The following OPA3 variants were observed in gnomAD, a reference collection of about 807,000 sequenced individuals.
The protein encoded by OPA3 is outer mitochondrial membrane lipid metabolism regulator OPA3, also known as optic atrophy 3 protein.
In OPA3, 6 loss-of-function variants were observed where a neutral mutation model predicts 4.0. That is an observed-to-expected ratio of 1.51 (90% CI 0.83 to 2.99). The LOEUF (loss-of-function observed/expected upper bound fraction) is 2.99, where lower values mean the gene tolerates loss of function less well. Among genes scored for constraint, OPA3 ranks in the 30% most tolerant of loss-of-function variants. OPA3 has a pLI of 0.00. For missense variants in OPA3, 235 were observed against 256.2 expected (o/e 0.92, Z 0.56); for synonymous variants, 105 against 117.1 (o/e 0.90, Z 0.67).
chr19:45,528,930 C>T (rs1969025463), exon 2 of OPA3: 2 of 1,171,602 alleles, frequency 1.7e-6, no homozygotes, highest in African/African-American at 3.1e-5. Flanking sequence ...ATCTCTCCGG[C>T]GCCCCCGAAG....
chr19:45,573,956 A>G (rs1272227179), intron 1 of OPA3, among the ~76,000 whole-genome samples: 1 of 152,120 alleles, frequency 6.6e-6, no homozygotes, highest in Admixed American at 6.6e-5. Flanking sequence ...TGAGGTCAGG[A>G]GTTGGAGACC....
At position 45,548,654 on chromosome 19, in the gene OPA3, T is replaced by TTTG. The variant is rs1440934084; in HGVS notation, c.*4859_*4860insCAA. On this transcript the variant is annotated 3_prime_UTR_variant, in exon 2 of 2. Transcript: ENST00000263275. ...TAACTCAGTGAGTTTTGTGTTTTAT[T>TTTG]TTTTTTATTTTTTTTTTTTTTGCGG... 47 of 676,290 alleles carry TTTG rather than the reference T, an allele frequency of 6.9e-5. No individual in the cohort carries two copies. The African/African-American group carries it at 1.6e-3, about 24-fold the overall frequency. 41.9% of individuals were successfully genotyped at this position (676,290 alleles called of 1,614,324 possible). A position where few individuals can be genotyped will look rare whatever the true frequency, so the allele number is the denominator to read the frequency against.
chr19:45,566,349 C>T (rs1432134115), intron 1 of OPA3, among the ~76,000 whole-genome samples: 1 of 151,984 alleles, frequency 6.6e-6, no homozygotes, highest in Non-Finnish European at 1.5e-5. Context: ...AGGGCTCTGC[C>T]ATGTTGGCCA....
chr19:45,539,112 C>G (rs1366604022), intron 1 of OPA3, among the ~76,000 whole-genome samples: 1 of 152,114 alleles, frequency 6.6e-6, no homozygotes. Context: ...ATCAGGAGAA[C>G]AGCATAAGGG....
chr19:45,568,665 T>C (rs1020331550), intron 1 of OPA3, among the ~76,000 whole-genome samples: 1 of 152,100 alleles, frequency 6.6e-6, no homozygotes, highest in African/African-American at 2.4e-5. Flanking sequence ...ACTGGTTCCA[T>C]CTGCCCAGCA....
At chr19:45,576,545 C>CG (rs1324308725) in intron 1 of OPA3, among the ~76,000 whole-genome samples, 5 of 145,642 alleles carry the variant, frequency 3.4e-5, no homozygotes, top group South Asian at 2.2e-4. Context: ...TCCCCCCCCC[C>CG]CCAAAAAAAA....
At chr19:45,580,310 T>G (rs77649881) in intron 1 of OPA3, among the ~76,000 whole-genome samples, 4 of 138,820 alleles carry the variant, frequency 2.9e-5, no homozygotes, top group African/African-American at 8.7e-5. Context: ...TTTTTTTTTT[T>G]GAGACAGAGT....
chr19:45,549,541 C>T lies in OPA3; in HGVS notation c.*3973G>A, dbSNP rs968971001. On this transcript the variant is annotated 3_prime_UTR_variant, in exon 2 of 2. Transcript: ENST00000263275. ...TGTCACCCAGGCTGGAGTGCAGTGG[C>T]GCGATCTCAGCTCACTGCAACCTCC... The T allele has an allele frequency of 7.3e-6, 7 of 954,378 alleles. No individual in the cohort carries two copies. The East Asian group carries it at 4.6e-4, about 63-fold the overall frequency. The allele number at this position is 954,378 out of a possible 1,614,324, so 59.1% of individuals were successfully genotyped here. A position where few individuals can be genotyped will look rare whatever the true frequency, so the allele number is the denominator to read the frequency against.
intron 1 of OPA3, among the ~76,000 whole-genome samples, chr19:45,559,835 G>C (rs1969478566): frequency 6.6e-6 from 1 of 151,838 alleles, no homozygotes; most frequent in African/African-American, 2.4e-5. Context: ...AAAGCTCCCT[G>C]GGCTTAACAC....
intron 1 of OPA3, among the ~76,000 whole-genome samples, chr19:45,570,986 G>A (rs1242122037): frequency 3.1e-5 from 4 of 129,308 alleles, no homozygotes; most frequent in Admixed American, 2.3e-4. Context: ...TTTGGGGGGG[G>A]GGGGCATGAA....
In OPA3 at chr19:45,553,392, T is replaced by C; in HGVS notation, c.*122A>G. On this transcript the variant is annotated 3_prime_UTR_variant, in exon 2 of 2. Transcript: ENST00000263275. ...GCTCTTATCAGCAGGGGTAACCAAA[T>C]GCCAAGTTGCATCAAGATCCTGGTG... 6.3e-7 allele frequency: 1 copy of C among 1,588,336 alleles called. No homozygotes were observed.
At chr19:45,579,998 T>C (rs1969823464) in intron 1 of OPA3, among the ~76,000 whole-genome samples, 1 of 101,082 alleles carries the variant, frequency 9.9e-6, no homozygotes, top group African/African-American at 1.1e-4. Flanking sequence ...TCTTTTTTTT[T>C]TTCTTTTTTT....
rs1226813634 is a variant in OPA3 at position 45,548,994 on chromosome 19, G to A, written c.*4520C>T. ...TAATTTTTGTATTTTTAGTAGAGAC[G>A]AGGTTTCACCATGTTGATCAGGTTG... On this transcript the variant is annotated 3_prime_UTR_variant, in exon 2 of 2. Coordinates refer to ENST00000263275, the MANE Select transcript of OPA3 (RefSeq NM_025136.4). 6.3e-5 allele frequency: 26 copies of A among 410,778 alleles called. No homozygotes were observed. The highest frequency in any genetic ancestry group is 1.6e-4 in the East Asian group (1 of 6,186). 25.4% of individuals were successfully genotyped at this position (410,778 alleles called of 1,614,324 possible). A position where few individuals can be genotyped will look rare whatever the true frequency, so the allele number is the denominator to read the frequency against.
At chr19:45,578,343 T>C (rs1969797777) in intron 1 of OPA3, among the ~76,000 whole-genome samples, 1 of 152,164 alleles carries the variant, frequency 6.6e-6, no homozygotes, top group Non-Finnish European at 1.5e-5. Context: ...ACTCTGCACT[T>C]GATGGATCAG....
At chr19:45,572,533 TATC>T (rs1345773944) in intron 1 of OPA3, among the ~76,000 whole-genome samples, 20 of 120,832 alleles carry the variant, frequency 1.7e-4, no homozygotes, top group African/African-American at 3.1e-4. Context: ...GAGATATATA[TATC>T]ATATGATATA....
rs370775683 is a variant in OPA3, at chr19:45,535,762, C to CTTTT, written c.143-6310_143-6307dup. 8.1e-5 allele frequency among the ~76,000 whole-genome samples: 10 copies of CTTTT among 122,942 alleles called. 1 individual carries two copies. Among genetic ancestry groups the CTTTT allele is most frequent in the African/African-American group, 1.9e-4 (6 of 31,792 alleles). 80.7% of individuals were successfully genotyped at this position (122,942 alleles called of 152,430 possible). A position where few individuals can be genotyped will look rare whatever the true frequency, so the allele number is the denominator to read the frequency against. On this transcript the variant is annotated intron_variant, in intron 1 of 1. Coordinates refer to the OPA3 transcript ENST00000323060. The stretch of plus-strand genomic sequence containing the variant: ...AACATAATAACTGTTTTTTTCTTTT[C>CTTTT]TTTTTTTTTTTTTTTTTTAAGAGTT...
intron 1 of OPA3, 41 bp downstream of exon 1, chr19:45,584,582 G>A: frequency 6.2e-7 from 1 of 1,614,044 alleles, no homozygotes; most frequent in African/African-American, 1.3e-5. Context: ...ACAGGGGTTG[G>A]AGAAAGGAAA....
chr19:45,566,192 C>T (rs1352537715), intron 1 of OPA3, among the ~76,000 whole-genome samples: 1 of 152,062 alleles, frequency 6.6e-6, no homozygotes, highest in Admixed American at 6.6e-5. Context: ...CTCTGTCGCC[C>T]AGGCTGGAGT....
At chr19:45,581,335 A>AC (rs1969852536) in intron 1 of OPA3, among the ~76,000 whole-genome samples, 1 of 152,084 alleles carries the variant, frequency 6.6e-6, no homozygotes, top group Non-Finnish European at 1.5e-5. Context: ...TCCCTTAATC[A>AC]TGTGGGCTTT....
Sources: allele counts gnomAD v4.1 joint callset (sites outside exome capture counted in the v4.1 genomes callset), GRCh38; gene constraint gnomAD v4.1.1; transcripts MANE v1.5; gene names NCBI Gene and HGNC (gene_info 2026-07-23, HGNC 2026-07-21).